Variants in DGKB observed in about 807,000 individuals in gnomAD.
DGKB encodes the protein diacylglycerol kinase beta, also known as 90 kDa diacylglycerol kinase.
In DGKB, 67 loss-of-function variants were observed where a neutral mutation model predicts 114.3. That is an observed-to-expected ratio of 0.59 (90% CI 0.48 to 0.72). DGKB has a LOEUF of 0.72. Ranked by LOEUF, DGKB falls within the 30% of genes least tolerant of loss-of-function variation. The pLI is 0.00. For missense variants in DGKB, 907 were observed against 975.2 expected (o/e 0.93, Z 0.93); for synonymous variants, 398 against 323.1 (o/e 1.23, Z -2.49).
intron 1 of DGKB, among the ~76,000 whole-genome samples, chr7:14,967,808 G>A (rs1787248032): frequency 6.6e-6 from 1 of 152,006 alleles, no homozygotes; most frequent in South Asian, 2.1e-4. Context: ...CTAAAAGTAA[G>A]TAACTTATGT....
At chr7:14,545,041 C>T (rs1449837246) in intron 20 of DGKB, among the ~76,000 whole-genome samples, 1 of 151,824 alleles carries the variant, frequency 6.6e-6, no homozygotes, top group Non-Finnish European at 1.5e-5. Context: ...ATACTTGCTA[C>T]CATATCCTCT....
intron 21 of DGKB, among the ~76,000 whole-genome samples, chr7:14,375,558 C>T (rs530665682): frequency 3.5e-4 from 53 of 152,172 alleles, no homozygotes; most frequent in Admixed American, 5.9e-4. Flanking sequence ...AACTGCTGTT[C>T]CCTCTGCTGG....
chr7:14,529,900 A>G (rs1406496635), intron 20 of DGKB, among the ~76,000 whole-genome samples: 1 of 151,774 alleles, frequency 6.6e-6, no homozygotes, highest in Non-Finnish European at 1.5e-5. Context: ...CTCTTGTCCA[A>G]TTAGTTAGAT....
intron 1 of DGKB, among the ~76,000 whole-genome samples, chr7:14,973,440 G>A (rs1181627950): frequency 1.3e-5 from 2 of 150,996 alleles, no homozygotes; most frequent in Non-Finnish European, 3.0e-5. Context: ...AATAACATAT[G>A]GATTGAAAAT....
chr7:14,245,556 G>A (rs1794345729), intron 23 of DGKB, among the ~76,000 whole-genome samples: 1 of 152,092 alleles, frequency 6.6e-6, no homozygotes, highest in Non-Finnish European at 1.5e-5. Context: ...ATGGTATAAT[G>A]GGTAAGAGTG....
chr7:14,502,335 T>C (rs756150104), intron 20 of DGKB, among the ~76,000 whole-genome samples: 2 of 151,964 alleles, frequency 1.3e-5, no homozygotes, highest in African/African-American at 2.4e-5. Flanking sequence ...TAAGAAAATA[T>C]TTTAGAATTT....
At chr7:14,740,088 C>T (rs1295048700) in intron 4 of DGKB, among the ~76,000 whole-genome samples, 1 of 152,258 alleles carries the variant, frequency 6.6e-6, no homozygotes, top group Non-Finnish European at 1.5e-5. Context: ...GTGCAGACAG[C>T]TGGCCAGCGT....
chr7:14,906,082 G>A (rs217604), upstream of DGKB, among the ~76,000 whole-genome samples: 14,548 of 151,948 alleles, frequency 0.096, 984 homozygotes, highest in Middle Eastern at 0.15. Flanking sequence ...AATCAATAAA[G>A]TTATCTAGAA....
intron 2 of DGKB, among the ~76,000 whole-genome samples, chr7:14,758,932 G>GATAGATAGATAC: frequency 7.0e-6 from 1 of 142,098 alleles, no homozygotes; most frequent in East Asian, 2.0e-4. Context: ...TAGATAGATA[G>GATAGATAGATAC]ATACATAGAT....
intron 2 of DGKB, among the ~76,000 whole-genome samples, chr7:14,818,305 A>G (rs1375710423): frequency 3.9e-5 from 6 of 152,178 alleles, no homozygotes; most frequent in Non-Finnish European, 8.8e-5. Context: ...AGGGAGGTCG[A>G]ATTTCTATTC....
intron 23 of DGKB, among the ~76,000 whole-genome samples, chr7:14,253,950 G>A (rs1260936025): frequency 1.3e-5 from 2 of 152,156 alleles, no homozygotes; most frequent in African/African-American, 4.8e-5. Context: ...TAAAGGTTAT[G>A]TGTTATTTAT....
At chr7:14,231,668 G>A (rs752411183) in intron 23 of DGKB, among the ~76,000 whole-genome samples, 1 of 151,202 alleles carries the variant, frequency 6.6e-6, no homozygotes, top group Non-Finnish European at 1.5e-5. Context: ...ATAGTCTTTT[G>A]GTATGAAATG....
chr7:14,590,768 T>C (rs1407875819), intron 17 of DGKB, among the ~76,000 whole-genome samples: 1 of 152,180 alleles, frequency 6.6e-6, no homozygotes, highest in African/African-American at 2.4e-5. Context: ...GCTCTTTATA[T>C]ACACATAAAG....
At position 14,828,516 on chromosome 7, in the gene DGKB, A is replaced by G. The variant is rs180825388; in HGVS notation, c.70+12678T>C. Among the ~76,000 whole-genome samples the G allele has an allele frequency of 7.6e-3, 1,153 of 152,232 alleles. 5 individuals carry two copies. Among genetic ancestry groups the G allele is most frequent in the Non-Finnish European group, 0.012 (815 of 67,994 alleles). ...GGGGCGTAACAACATGGGCAAGCTC[A>G]TGAATTCCCCTCAAAACGACACCCC... is the stretch of plus-strand genomic sequence containing the variant. On this transcript the variant is annotated intron_variant, in intron 2 of 25. Coordinates refer to ENST00000402815, the MANE Select transcript of DGKB (RefSeq NM_001350709.2).
intron 2 of DGKB, among the ~76,000 whole-genome samples, chr7:14,794,426 T>C (rs749574044): frequency 6.6e-6 from 1 of 152,202 alleles, no homozygotes; most frequent in African/African-American, 2.4e-5. Context: ...TACCTCTGTA[T>C]AAAATACTTT....
chr7:14,439,811 C>T (rs780668948), intron 21 of DGKB, among the ~76,000 whole-genome samples: 1 of 149,272 alleles, frequency 6.7e-6, no homozygotes, highest in African/African-American at 2.5e-5. Context: ...TTTCAGTGAG[C>T]CTGAGATCAT....
chr7:14,185,777 C>A (rs1783329994), intron 23 of DGKB, among the ~76,000 whole-genome samples: 1 of 152,154 alleles, frequency 6.6e-6, no homozygotes, highest in Admixed American at 6.5e-5. Flanking sequence ...AAAGGACACC[C>A]TTTTTAACAA....
intron 21 of DGKB, among the ~76,000 whole-genome samples, chr7:14,370,417 T>G (rs553238707): frequency 9.3e-4 from 141 of 152,330 alleles, no homozygotes; most frequent in Middle Eastern, 3.4e-3. Context: ...GGGCTCTTTT[T>G]GGTTCCATAT....
At chr7:14,556,278 A>C (rs1211933773) in intron 20 of DGKB, among the ~76,000 whole-genome samples, 5 of 152,132 alleles carry the variant, frequency 3.3e-5, no homozygotes, top group Non-Finnish European at 7.4e-5. Context: ...ATTCATATTA[A>C]CATAATAACT....
Sources: allele counts gnomAD v4.1 joint callset (sites outside exome capture counted in the v4.1 genomes callset), GRCh38; gene constraint gnomAD v4.1.1; transcripts MANE v1.5; gene names NCBI Gene and HGNC (gene_info 2026-07-23, HGNC 2026-07-21).